The following HMCN1 variants were observed in gnomAD, a reference collection of about 807,000 sequenced individuals.
The protein encoded by HMCN1 is hemicentin-1.
HMCN1 carries 321 observed loss-of-function variants against 625.9 expected under a neutral mutation model. The ratio of observed to expected loss-of-function variants is 0.51; its 90% CI spans 0.47 to 0.56. HMCN1 has a LOEUF of 0.56. Ranked by LOEUF, HMCN1 falls within the 20% of genes least tolerant of loss-of-function variation. HMCN1 has a pLI of 0.00. For missense variants in HMCN1, 6,588 were observed against 6,887.3 expected (o/e 0.96, Z 1.54); for synonymous variants, 2,425 against 2,417.6 (o/e 1.00, Z -0.09).
At chr1:186,154,970 T>G (rs1571429863) in intron 97 of HMCN1, among the ~76,000 whole-genome samples, 1 of 152,198 alleles carries the variant, frequency 6.6e-6, no homozygotes, top group African/African-American at 2.4e-5. Flanking sequence ...TGTTAGACAT[T>G]AAATGTTTAT....
At chr1:185,828,676 G>A (rs1660671748) in intron 1 of HMCN1, among the ~76,000 whole-genome samples, 1 of 152,052 alleles carries the variant, frequency 6.6e-6, no homozygotes, top group Non-Finnish European at 1.5e-5. Flanking sequence ...AAGGAAAAGT[G>A]CACTCATCAC....
chr1:186,122,544 G>T (rs1051903894), intron 80 of HMCN1, among the ~76,000 whole-genome samples: 1 of 152,104 alleles, frequency 6.6e-6, no homozygotes, highest in Non-Finnish European at 1.5e-5. Flanking sequence ...ATGGAAATAC[G>T]TAAGTAAAAG....
chr1:186,014,447 G>C (rs1336724712), intron 30 of HMCN1, among the ~76,000 whole-genome samples: 1 of 151,888 alleles, frequency 6.6e-6, no homozygotes, highest in Non-Finnish European at 1.5e-5. Context: ...TCATACACAT[G>C]CCATTTGATT....
intron 102 of HMCN1, among the ~76,000 whole-genome samples, chr1:186,174,232 G>C (rs904185663): frequency 1.3e-5 from 2 of 152,112 alleles, no homozygotes; most frequent in African/African-American, 2.4e-5. Flanking sequence ...GTATAAATAA[G>C]ATGGCAAAAG....
At chr1:186,055,296 TA>T (rs1657235002) in intron 44 of HMCN1, 96 bp from the exon 45 acceptor site, 2 of 1,102,154 alleles carry the variant, frequency 1.8e-6, no homozygotes, top group African/African-American at 1.6e-5. Context: ...TATTTTAACA[TA>T]AAAATATATT....
At chr1:186,163,965 T>G (rs1252999093) in intron 97 of HMCN1, among the ~76,000 whole-genome samples, 3 of 152,194 alleles carry the variant, frequency 2.0e-5, no homozygotes, top group Non-Finnish European at 4.4e-5. Context: ...ACATGACATA[T>G]TTTTTCCACA....
intron 30 of HMCN1, among the ~76,000 whole-genome samples, chr1:186,008,738 G>C (rs10798027): frequency 0.2 from 29,950 of 151,976 alleles, 3,465 homozygotes; most frequent in Non-Finnish European, 0.26. Context: ...GATACTTTAC[G>C]TGGATTATTG....
chr1:185,963,651 A>C, intron 12 of HMCN1, 117 bp from the exon 13 acceptor site: 2 of 754,144 alleles, frequency 2.7e-6, no homozygotes, highest in Non-Finnish European at 4.6e-6. Context: ...TCTGCAATCG[A>C]CACCAAAAAT....
chr1:186,143,431 GC>G (rs1367986342), intron 89 of HMCN1, among the ~76,000 whole-genome samples: 3 of 152,170 alleles, frequency 2.0e-5, no homozygotes, highest in Non-Finnish European at 4.4e-5. Flanking sequence ...TTGAATCTCA[GC>G]CCAGGTACCT....
intron 97 of HMCN1, among the ~76,000 whole-genome samples, chr1:186,159,706 A>G (rs934850108): frequency 2.6e-5 from 4 of 152,242 alleles, no homozygotes; most frequent in African/African-American, 9.6e-5. Flanking sequence ...GGTTCTGTTT[A>G]TATGCTAGAT....
At chr1:186,030,797 T>C (rs533521302) in intron 36 of HMCN1, among the ~76,000 whole-genome samples, 1 of 152,050 alleles carries the variant, frequency 6.6e-6, no homozygotes, top group East Asian at 1.9e-4. Context: ...GGTGCCATTT[T>C]ATTGCCCTTA....
intron 1 of HMCN1, among the ~76,000 whole-genome samples, chr1:185,812,799 T>TC (rs1003540608): frequency 2.8e-4 from 42 of 148,646 alleles, no homozygotes; most frequent in Non-Finnish European, 4.3e-4. Flanking sequence ...ATGTTTGCAA[T>TC]CCCCCCCCAC....
At chr1:185,876,101 T>C (rs1299858437) in intron 4 of HMCN1, among the ~76,000 whole-genome samples, 3 of 152,062 alleles carry the variant, frequency 2.0e-5, no homozygotes, top group African/African-American at 7.2e-5. Context: ...TGTCTATTAT[T>C]CCCCTCAGTA....
intron 97 of HMCN1, among the ~76,000 whole-genome samples, chr1:186,160,739 G>A (rs1160132411): frequency 6.6e-6 from 1 of 152,120 alleles, no homozygotes; most frequent in Non-Finnish European, 1.5e-5. Flanking sequence ...TTTTGAGTGA[G>A]TTTCTTAATC....
At chr1:185,992,643 C>A (rs1421083054) in intron 22 of HMCN1, among the ~76,000 whole-genome samples, 1 of 152,074 alleles carries the variant, frequency 6.6e-6, no homozygotes, top group Non-Finnish European at 1.5e-5. Context: ...GGGCCAAGAG[C>A]ACTCTGCATT....
intron 62 of HMCN1, 83 bp from the exon 63 acceptor site, chr1:186,088,523 G>C: frequency 1.3e-6 from 2 of 1,506,238 alleles, no homozygotes; most frequent in Non-Finnish European, 1.8e-6. Context: ...ATCACGTAAA[G>C]TAAGACATTT....
intron 29 of HMCN1, among the ~76,000 whole-genome samples, chr1:186,005,224 AT>A (rs1273092205): frequency 4.0e-5 from 5 of 126,582 alleles, no homozygotes; most frequent in African/African-American, 8.6e-5. Context: ...TTTATAAACA[AT>A]TTTTTAATTG....
chr1:185,979,862 T>G (rs1340342182), intron 16 of HMCN1, among the ~76,000 whole-genome samples: 1 of 152,222 alleles, frequency 6.6e-6, no homozygotes, highest in East Asian at 1.9e-4. Flanking sequence ...TTGGTTCATA[T>G]ATTTACAAGA....
chr1:185,739,010 C>A (rs907025462), intron 1 of HMCN1, among the ~76,000 whole-genome samples: 1 of 151,328 alleles, frequency 6.6e-6, no homozygotes, highest in Non-Finnish European at 1.5e-5. Flanking sequence ...TTTCAGTCCT[C>A]ATCCTCCCCC....
Sources: allele counts gnomAD v4.1 joint callset (sites outside exome capture counted in the v4.1 genomes callset), GRCh38; gene constraint gnomAD v4.1.1; transcripts MANE v1.5; gene names NCBI Gene and HGNC (gene_info 2026-07-23, HGNC 2026-07-21).